The following TRRAP variants were observed in gnomAD, a reference collection of about 807,000 sequenced individuals.
TRRAP encodes transformation/transcription domain-associated protein.
Under a neutral mutation model 438.8 loss-of-function variants are expected in TRRAP, and 41 were observed. The ratio of observed to expected loss-of-function variants is 0.09; its 90% CI spans 0.07 to 0.12. The LOEUF (loss-of-function observed/expected upper bound fraction) is 0.12. Ranked by LOEUF, TRRAP falls within the 10% of genes least tolerant of loss-of-function variation. The probability of loss-of-function intolerance (pLI) is 1.00; values close to 1 mark genes in which losing one functional copy is unlikely to be tolerated. For synonymous variants in TRRAP, 1,994 were observed against 1,962.9 expected (o/e 1.02, Z -0.42); for missense variants, 3,122 against 5,055.1 (o/e 0.62, Z 11.60).
intron 50 of TRRAP, 47 bp from the exon 51 acceptor site, chr7:98,967,438 G>T: frequency 6.3e-7 from 1 of 1,596,260 alleles, no homozygotes; most frequent in South Asian, 1.1e-5. Context: ...GTTTGCATAT[G>T]ACTTGGGGAG....
At chr7:98,988,638 C>G in intron 62 of TRRAP, 127 bp from the exon 63 acceptor site, 1 of 1,083,922 alleles carries the variant, frequency 9.2e-7, no homozygotes, top group Non-Finnish European at 1.3e-6. Flanking sequence ...GCTTATGGGG[C>G]GGTTGCACAA....
chr7:98,885,680 A>G (rs914386789), intron 3 of TRRAP, among the ~76,000 whole-genome samples: 1 of 152,084 alleles, frequency 6.6e-6, no homozygotes, highest in Middle Eastern at 3.4e-3. Flanking sequence ...ATATATATAT[A>G]TATATGAAGA....
chr7:98,893,924 A>G (rs781940334), intron 6 of TRRAP, 43 bp downstream of exon 6: 7 of 1,583,032 alleles, frequency 4.4e-6, no homozygotes, highest in East Asian at 2.2e-5. Flanking sequence ...AAGTGTGTCA[A>G]CATGTTCCTT....
chr7:98,993,473 A>G (rs1460210050), intron 65 of TRRAP, 65 bp from the exon 66 acceptor site: 1 of 1,555,420 alleles, frequency 6.4e-7, no homozygotes, highest in Non-Finnish European at 8.7e-7. Context: ...TGGGTCCTGC[A>G]GCGCTCCGAG....
chr7:98,945,692 G>C (rs1791021118), intron 31 of TRRAP, 55 bp from the exon 32 acceptor site: 1 of 1,588,458 alleles, frequency 6.3e-7, no homozygotes, highest in East Asian at 2.2e-5. Flanking sequence ...TATGTGGGAA[G>C]TTTTTATGTA....
At position 98,976,485 on chromosome 7, in the gene TRRAP, A is replaced by G. The variant is rs777244112; in HGVS notation, c.7962A>G (p.Ala2654=). ...AATGACATGTGCTTTGGTTTCAGGCACTCGCGGGTGAGATAAGTCCATTTC... is the reference window on the plus strand; with the variant it reads ...AATGACATGTGCTTTGGTTTCAGGCGCTCGCGGGTGAGATAAGTCCATTTC... ...WKILSDRQQH[A]LAGEISPFLC... is the part of the protein sequence containing the mutation. Residue 2654 remains alanine (A), a splice_region_variant and synonymous_variant, in exon 55 of 73, where the codon GCA becomes GCG. Transcript: ENST00000456197. This position sits in a 1 kb window ranked among gnomAD's most constrained non-coding sequence, Gnocchi z 4.6. The G allele has an allele frequency of 2.1e-5, 33 of 1,606,580 alleles. No individual in the cohort carries two copies. The highest frequency in any genetic ancestry group is 2.6e-5 in the Non-Finnish European group (31 of 1,177,940).
intron 67 of TRRAP, among the ~76,000 whole-genome samples, chr7:99,000,544 G>A (rs1258877892): frequency 1.3e-5 from 2 of 152,328 alleles, no homozygotes; most frequent in East Asian, 3.9e-4. Flanking sequence ...CACACTCTGC[G>A]CACTCCAGCC....
At chr7:98,928,153 G>C (rs139037032) in intron 23 of TRRAP, among the ~76,000 whole-genome samples, 5 of 152,038 alleles carry the variant, frequency 3.3e-5, no homozygotes, top group Admixed American at 3.3e-4. Context: ...CAGGAGAATC[G>C]CTTGAACCTG....
intron 20 of TRRAP, among the ~76,000 whole-genome samples, chr7:98,917,955 C>T (rs1448679129): frequency 6.6e-6 from 1 of 151,822 alleles, no homozygotes; most frequent in African/African-American, 2.4e-5. Flanking sequence ...AAACCCATCT[C>T]TACAAAAAAT....
chr7:98,978,442 A>G (rs1792768403), intron 57 of TRRAP, 119 bp downstream of exon 57: 2 of 923,560 alleles, frequency 2.2e-6, no homozygotes, highest in African/African-American at 1.7e-5. Context: ...TTATGGCCAC[A>G]TAAAGAACAA....
chr7:98,908,622 C>A lies in TRRAP; in HGVS notation c.1116-106C>A, dbSNP rs1430596396. On this transcript the variant is annotated intron_variant, in intron 13 of 72. Transcript: ENST00000456197. The surrounding 1 kb of genome is among the most constrained non-coding windows in gnomAD (Gnocchi z 4.1). The stretch of plus-strand genomic sequence containing the variant: ...GTGAAAATGGGCCATGTAAGTGTGC[C>A]GACCCAGGGGTGGTGTTCCTGGGGC... 2 of 1,005,256 alleles carry A rather than the reference C, an allele frequency of 2.0e-6. No individual in the cohort carries two copies. Among genetic ancestry groups the A allele is most frequent in the Non-Finnish European group, 2.9e-6 (2 of 681,202 alleles). 62.3% of individuals were successfully genotyped at this position (1,005,256 alleles called of 1,614,324 possible). A position where few individuals can be genotyped will look rare whatever the true frequency, so the allele number is the denominator to read the frequency against.
chr7:99,001,424 T>C (rs939194153), intron 67 of TRRAP, among the ~76,000 whole-genome samples: 2 of 152,234 alleles, frequency 1.3e-5, no homozygotes, highest in Non-Finnish European at 2.9e-5. Flanking sequence ...GAAATCATAT[T>C]TTACTTGAAA....
At chr7:98,937,043 C>T (rs1219558768) in intron 28 of TRRAP, 113 bp from the exon 29 acceptor site, 10 of 1,322,144 alleles carry the variant, frequency 7.6e-6, no homozygotes, top group African/African-American at 1.5e-5. Flanking sequence ...ACCTGGGCAA[C>T]ATAGCAAGAC....
In TRRAP at chr7:98,881,177, C is replaced by T. The variant is rs1554402987; in HGVS notation, c.27C>T (p.Ala9=). MAFVATQG[A]TVVDQTTLMK... ...TGGCGTTTGTTGCAACACAGGGGGCCACGGTGGTTGACCAGACCACTTTGA... is the reference window on the plus strand; with the variant it reads ...TGGCGTTTGTTGCAACACAGGGGGCTACGGTGGTTGACCAGACCACTTTGA... Residue 9 remains alanine (A), a synonymous_variant, in exon 2 of 73, where the codon GCC becomes GCT. Coordinates refer to ENST00000456197, the MANE Select transcript of TRRAP (RefSeq NM_001375524.1). The T allele has an allele frequency of 6.2e-7, 1 of 1,610,306 alleles. No homozygotes were observed.
chr7:98,894,652 G>C (rs1796117184), intron 6 of TRRAP, among the ~76,000 whole-genome samples: 1 of 148,716 alleles, frequency 6.7e-6, no homozygotes, highest in Non-Finnish European at 1.5e-5. Flanking sequence ...TTCCTCTGTT[G>C]CTCAGGCTGG....
rs1159135931 is a variant in TRRAP at position 98,917,764 on chromosome 7, C to A, written c.2622+85C>A. 2.0e-6 allele frequency: 3 copies of A among 1,513,456 alleles called. No individual in the cohort carries two copies. The Admixed American group carries it at 5.9e-5, about 30-fold the overall frequency. 93.8% of individuals were successfully genotyped at this position (1,513,456 alleles called of 1,614,324 possible). Reference sequence around the variant, plus strand: ...GGTTCTCTGTACTCAAGAGTGGGCTCTGCAAGATGGACCAGTGCAGCTCTC... The same window carrying A: ...GGTTCTCTGTACTCAAGAGTGGGCTATGCAAGATGGACCAGTGCAGCTCTC... On this transcript the variant is annotated intron_variant, in intron 20 of 72. Coordinates refer to ENST00000456197, the MANE Select transcript of TRRAP (RefSeq NM_001375524.1).
rs1562937119 is a variant in TRRAP, at chr7:98,910,495, C to T, written c.1715-15C>T. On this transcript the variant is annotated splice_polypyrimidine_tract_variant and intron_variant, in intron 15 of 72. Coordinates refer to ENST00000456197, the MANE Select transcript of TRRAP (RefSeq NM_001375524.1). Reference sequence around the variant, plus strand: ...GTTTTATTCAAGTTAACTTAATATACTTTCTCTTTTCCAGAAGCTCAGTTC... The same window carrying T: ...GTTTTATTCAAGTTAACTTAATATATTTTCTCTTTTCCAGAAGCTCAGTTC... The T allele has an allele frequency of 6.2e-7, 1 of 1,613,896 alleles. No homozygotes were observed. Among genetic ancestry groups the T allele is most frequent in the Non-Finnish European group, 8.5e-7 (1 of 1,180,008 alleles).
chr7:98,945,882 T>C (rs781992641), intron 32 of TRRAP, 48 bp from the exon 33 acceptor site: 2 of 1,568,226 alleles, frequency 1.3e-6, no homozygotes, highest in South Asian at 1.2e-5. Flanking sequence ...CTTTTCTTTT[T>C]ACCTTTCTGT....
chr7:98,946,262 ACCT>A (rs551096608), intron 33 of TRRAP, among the ~76,000 whole-genome samples: 89 of 117,920 alleles, frequency 7.5e-4, no homozygotes, highest in Admixed American at 5.1e-3. Flanking sequence ...ATAGCTAGCA[ACCT>A]CCTGAGAGGA....
Sources: allele counts gnomAD v4.1 joint callset (sites outside exome capture counted in the v4.1 genomes callset), GRCh38; gene constraint gnomAD v4.1.1; non-coding constraint Gnocchi (gnomAD v3.1); transcripts MANE v1.5; gene names NCBI Gene and HGNC (gene_info 2026-07-23, HGNC 2026-07-21).